ZNF605: variants seen among roughly 807,000 people sequenced by gnomAD.
ZNF605 encodes the protein zinc finger protein 605.
Under a neutral mutation model 7.9 loss-of-function variants are expected in ZNF605, and 9 were observed. The observed-to-expected ratio is 1.14, with a 90% CI of 0.68 to 1.98. The LOEUF (loss-of-function observed/expected upper bound fraction) is 1.98, where lower values mean the gene tolerates loss of function less well. ZNF605 is among the 30% of genes most tolerant of loss of function. The probability of loss-of-function intolerance (pLI) is 0.00; values close to 1 mark genes in which losing one functional copy is unlikely to be tolerated. For synonymous variants in ZNF605, 255 were observed against 260.1 expected, an observed-to-expected ratio of 0.98 and a Z score of 0.19; for missense variants, 673 against 762.4, an observed-to-expected ratio of 0.88 and a Z score of 1.38.
At chr12:132,936,492 T>G (rs973131357) in intron 3 of ZNF605, among the ~76,000 whole-genome samples, 1 of 152,202 alleles carries the variant, frequency 6.6e-6, no homozygotes, top group Non-Finnish European at 1.5e-5. Flanking sequence ...AGACTTCCTA[T>G]GCAACCACAG....
chr12:132,929,918 G>A (rs370657626), intron 4 of ZNF605, among the ~76,000 whole-genome samples: 54 of 152,310 alleles, frequency 3.5e-4, no homozygotes, highest in Middle Eastern at 3.4e-3. Context: ...GCACTCCAGC[G>A]TGCCAACAGA....
intron 3 of ZNF605, among the ~76,000 whole-genome samples, chr12:132,937,359 C>CAAAAAAAAAAA (rs56281488): frequency 2.3e-5 from 2 of 86,784 alleles, no homozygotes; most frequent in African/African-American, 4.5e-5. Context: ...AACTCTGTCT[C>CAAAAAAAAAAA]AAAAAAAAAA....
In ZNF605 at chr12:132,950,032, C is replaced by T. The variant is rs1334383938; in HGVS notation, c.-285-1762G>A. On this transcript the variant is annotated intron_variant, in intron 1 of 4. Transcript: ENST00000360187. ...CTCCTGAGACGCCTGGGAGCTCCTT[C>T]AGGCTTGTGGCACAGAGGTCGGGGG... 1.3e-4 allele frequency among the ~76,000 whole-genome samples: 20 copies of T among 151,958 alleles called. No homozygotes were observed. In the South Asian group the frequency reaches 3.9e-3, roughly 30 times the overall value.
chr12:132,955,274 T>A (rs1163635417), intron 1 of ZNF605, among the ~76,000 whole-genome samples: 1 of 151,958 alleles, frequency 6.6e-6, no homozygotes, highest in Non-Finnish European at 1.5e-5. Context: ...GAGGTGGAAG[T>A]GCGGGCGACC....
At chr12:132,954,327 T>A (rs1324261759) in intron 1 of ZNF605, among the ~76,000 whole-genome samples, 1 of 107,328 alleles carries the variant, frequency 9.3e-6, no homozygotes, top group Non-Finnish European at 1.8e-5. Flanking sequence ...CAGATACTCC[T>A]GCAGATGAGC....
At chr12:132,943,321 T>C (rs1195409471) in intron 3 of ZNF605, among the ~76,000 whole-genome samples, 2 of 149,392 alleles carry the variant, frequency 1.3e-5, no homozygotes, top group Non-Finnish European at 3.0e-5. Context: ...ATTGTGCCAC[T>C]GCACTCCAGT....
In ZNF605 at chr12:132,927,012, C is replaced by G. The variant is rs1488703512; in HGVS notation, c.287G>C (p.Gly96Ala). The G allele has an allele frequency of 1.9e-6, 3 of 1,611,106 alleles. No individual in the cohort carries two copies. Among genetic ancestry groups the G allele is most frequent in the Non-Finnish European group, 2.5e-6 (3 of 1,179,842 alleles). The stretch of plus-strand genomic sequence containing the variant: ...ACATTTCAAACTTTTTTCTCCTGTG[C>G]CACATTTATGGGATCGCAGTCCTAC... Reference protein sequence around the residue: ...VHVGLRSHKCGTGEKSLKCPF... With the variant: ...VHVGLRSHKCATGEKSLKCPF... The change falls in exon 5 of 5, where the codon GGC (glycine) becomes GCC (alanine). Residue 96 changes from glycine to alanine, a missense_variant. Gly to Ala is a moderately conservative substitution (Grantham distance 60). Transcript: ENST00000360187.
In ZNF605 at chr12:132,922,322, C is replaced by A. The variant is rs1952212821; in HGVS notation, c.*3051G>T. Reference sequence around the variant, plus strand: ...GTAGTAAAAGACTTCATAAGTCTTTCTATTACTGAAGAGGAGCTTAGTAAT... The same window carrying A: ...GTAGTAAAAGACTTCATAAGTCTTTATATTACTGAAGAGGAGCTTAGTAAT... On this transcript the variant is annotated 3_prime_UTR_variant, in exon 5 of 5. Transcript: ENST00000360187. 2.0e-5 allele frequency: 3 copies of A among 152,296 alleles called. No homozygotes were observed. Among genetic ancestry groups the A allele is most frequent in the Middle Eastern group, 6.8e-3 (2 of 294 alleles). 9.4% of individuals were successfully genotyped at this position (152,296 alleles called of 1,614,324 possible).
At chr12:132,937,123 C>T (rs2137139832) in intron 3 of ZNF605, among the ~76,000 whole-genome samples, 1 of 152,228 alleles carries the variant, frequency 6.6e-6, no homozygotes, top group Non-Finnish European at 1.5e-5. Flanking sequence ...TTTTGGGAGG[C>T]CGAGGCAGGC....
chr12:132,925,711 C>G lies in ZNF605; in HGVS notation c.1588G>C (p.Glu530Gln). 1.2e-6 allele frequency: 2 copies of G among 1,614,204 alleles called. No homozygotes were observed. The highest frequency in any genetic ancestry group is 1.7e-6 in the Non-Finnish European group (2 of 1,180,022). Residue 530 changes from glutamate to glutamine, a missense_variant, in exon 5 of 5, where the codon GAG becomes CAG. Coordinates refer to ENST00000360187, the MANE Select transcript of ZNF605 (RefSeq NM_183238.4). ...LLRHQRIHTG[E>Q]KPYECSECGK... ...CATTCACTGCATTCATAGGGTTTCT[C>G]CCCTGTATGAATTCTCTGATGCCTA...
rs989036762 is a variant in ZNF605 at position 132,933,955 on chromosome 12, A to C, written c.16-800T>G. On this transcript the variant is annotated intron_variant, in intron 3 of 4. Transcript: ENST00000360187. The surrounding 1 kb of genome is among the most constrained non-coding windows in gnomAD (Gnocchi z 4.4). ...TGCCTGGCCTCTGTCTGCTAATGAC[A>C]GTAATATCTCTCAGTCACTGGCTGG... 5.9e-5 allele frequency among the ~76,000 whole-genome samples: 9 copies of C among 152,320 alleles called. No individual in the cohort carries two copies. In the East Asian group the frequency reaches 1.7e-3, roughly 29 times the overall value.
At chr12:132,929,329 A>G (rs1952282318) in intron 4 of ZNF605, among the ~76,000 whole-genome samples, 1 of 152,072 alleles carries the variant, frequency 6.6e-6, no homozygotes, top group African/African-American at 2.4e-5. Flanking sequence ...AGGTTGTGTG[A>G]GATGAGAGTG....
chr12:132,944,939 G>C (rs1009174724), intron 3 of ZNF605: 2 of 158,776 alleles, frequency 1.3e-5, no homozygotes, highest in South Asian at 1.8e-4. Flanking sequence ...AAAGCTTGCA[G>C]TTCAACTCTG....
chr12:132,951,690 A>ACT (rs58758154), intron 1 of ZNF605, among the ~76,000 whole-genome samples: 88,422 of 151,492 alleles, frequency 0.58, 27,064 homozygotes, highest in East Asian at 0.77. Flanking sequence ...GCACAAACTC[A>ACT]GATATACACG....
At chr12:132,934,599 G>A (rs1952342929) in intron 3 of ZNF605, among the ~76,000 whole-genome samples, 2 of 146,968 alleles carry the variant, frequency 1.4e-5, no homozygotes, top group South Asian at 2.2e-4. Flanking sequence ...CCAGCTACTC[G>A]GGAGGCTGAG....
intron 3 of ZNF605, among the ~76,000 whole-genome samples, chr12:132,942,487 G>A (rs1952453048): frequency 6.6e-6 from 1 of 152,196 alleles, no homozygotes; most frequent in Non-Finnish European, 1.5e-5. Context: ...TAAACAGAAT[G>A]GTTTGGAACT....
intron 3 of ZNF605, among the ~76,000 whole-genome samples, chr12:132,935,565 G>A (rs1420582259): frequency 2.0e-5 from 3 of 151,886 alleles, no homozygotes; most frequent in Non-Finnish European, 2.9e-5. Flanking sequence ...AGAAAAATGA[G>A]TACAGAGTAA....
rs1387628888 is a variant in ZNF605, at chr12:132,925,480, G to A, written c.1819C>T (p.His607Tyr). The A allele has an allele frequency of 6.2e-7, 1 of 1,614,140 alleles. No homozygotes were observed. Among genetic ancestry groups the A allele is most frequent in the East Asian group, 2.2e-5 (1 of 44,878 alleles). Residue 607 changes from histidine (H) to tyrosine (Y), a missense_variant, in exon 5 of 5, where the codon CAT becomes TAT. Physicochemically the swap from His to Tyr is moderately conservative, Grantham distance 83. Coordinates refer to ENST00000360187, the MANE Select transcript of ZNF605 (RefSeq NM_183238.4). ...SFTRKSHLMRHQRIHTGDKYY... is the reference protein window; with the variant it reads ...SFTRKSHLMRYQRIHTGDKYY... ...TTATCTCCTGTATGAATCCTCTGAT[G>A]CCTCATAAGGTGTGACTTTCTTGTG... is the stretch of plus-strand genomic sequence containing the variant.
At chr12:132,954,866 T>TA (rs2137173347) in intron 1 of ZNF605, among the ~76,000 whole-genome samples, 1 of 152,166 alleles carries the variant, frequency 6.6e-6, no homozygotes, top group South Asian at 2.1e-4. Flanking sequence ...ACCATTAACT[T>TA]ACATCCAGAC....
Sources: gnomAD v4.1 joint callset for allele counts (sites outside exome capture counted in the v4.1 genomes callset) on GRCh38, gnomAD v4.1.1 for gene constraint, Gnocchi (gnomAD v3.1) non-coding constraint, MANE v1.5 for transcripts, NCBI Gene and HGNC (gene_info 2026-07-23, HGNC 2026-07-21) for gene names.